The following FAM171A1 variants were observed in gnomAD, a reference collection of about 807,000 sequenced individuals.
FAM171A1 encodes family with sequence similarity 171 member A1, also known as protein FAM171A1.
FAM171A1 carries 23 observed loss-of-function variants against 74.9 expected under a neutral mutation model. The ratio of observed to expected loss-of-function variants is 0.31; its 90% CI spans 0.22 to 0.44. The LOEUF (loss-of-function observed/expected upper bound fraction) is 0.44. Among genes scored for constraint, FAM171A1 ranks in the 20% least tolerant of loss-of-function variants. FAM171A1 has a pLI of 1.00. For missense variants in FAM171A1, 1,162 were observed against 1,159.2 expected (o/e 1.00, Z -0.03); for synonymous variants, 527 against 505.7 (o/e 1.04, Z -0.57).
chr10:15,223,023 G>A (rs137882390), intron 5 of FAM171A1, among the ~76,000 whole-genome samples: 1,743 of 152,300 alleles, frequency 0.011, 21 homozygotes, highest in Middle Eastern at 0.02. Context: ...CAAGGGGAGC[G>A]ACAACGTAAG....
At chr10:15,371,823 T>G (rs1836153926), upstream of FAM171A1, among the ~76,000 whole-genome samples, 1 of 152,140 alleles carries the variant, frequency 6.6e-6, no homozygotes, top group Non-Finnish European at 1.5e-5. Flanking sequence ...CCATGACACG[T>G]GTGAAAGCAC....
chr10:15,312,673 G>GTTTTTTTTTTTTTTTTTTTT (rs1169098742), intron 1 of FAM171A1, among the ~76,000 whole-genome samples: 1 of 36,402 alleles, frequency 2.7e-5, no homozygotes, highest in African/African-American at 1.2e-4. Context: ...AGCACTGTGT[G>GTTTTTTTTTTTTTTTTTTTT]TTTTTTTTTT....
intron 2 of FAM171A1, among the ~76,000 whole-genome samples, chr10:15,278,851 T>C (rs1206824429): frequency 6.6e-5 from 10 of 152,116 alleles, no homozygotes; most frequent in Admixed American, 3.3e-4. Context: ...CTTGGGTAAA[T>C]CCCGCATGAC....
At chr10:15,291,996 T>A (rs936883707) in intron 1 of FAM171A1, among the ~76,000 whole-genome samples, 1 of 152,166 alleles carries the variant, frequency 6.6e-6, no homozygotes, top group Admixed American at 6.5e-5. Context: ...CAAAACCCCA[T>A]AAACTGGGAA....
chr10:15,217,185 G>A (rs903072480), intron 6 of FAM171A1, among the ~76,000 whole-genome samples: 3 of 152,202 alleles, frequency 2.0e-5, no homozygotes, highest in Admixed American at 6.5e-5. Context: ...TTTATGTTCC[G>A]TAGTAGTACA....
intron 5 of FAM171A1, among the ~76,000 whole-genome samples, chr10:15,240,618 C>G (rs569371361): frequency 1.3e-5 from 2 of 152,164 alleles, no homozygotes; most frequent in Admixed American, 6.5e-5. Context: ...TGATCCCACT[C>G]TCACGGGGTT....
At chr10:15,269,159 G>A (rs977740695) in intron 3 of FAM171A1, among the ~76,000 whole-genome samples, 23 of 152,226 alleles carry the variant, frequency 1.5e-4, no homozygotes, top group Middle Eastern at 3.4e-3. Flanking sequence ...TGTCCCTCAG[G>A]CTGGAGTGCA....
intron 1 of FAM171A1, among the ~76,000 whole-genome samples, chr10:15,350,815 G>A (rs1455570233): frequency 1.3e-5 from 2 of 152,004 alleles, no homozygotes; most frequent in African/African-American, 4.8e-5. Flanking sequence ...GCTGATTTTT[G>A]TATTTTTAAT....
intron 1 of FAM171A1, among the ~76,000 whole-genome samples, chr10:15,297,311 G>A (rs984970590): frequency 2.0e-5 from 3 of 152,010 alleles, no homozygotes; most frequent in Non-Finnish European, 2.9e-5. Flanking sequence ...CACCCACCTC[G>A]GATTCCCAAA....
upstream of FAM171A1, among the ~76,000 whole-genome samples, chr10:15,373,709 A>C (rs1485194413): frequency 6.6e-6 from 1 of 152,220 alleles, no homozygotes; most frequent in Non-Finnish European, 1.5e-5. Context: ...TTATGAGTCT[A>C]TAATTATTTC....
chr10:15,259,317 C>T (rs1834625557), intron 3 of FAM171A1, among the ~76,000 whole-genome samples: 1 of 152,154 alleles, frequency 6.6e-6, no homozygotes, highest in East Asian at 1.9e-4. Flanking sequence ...CCTATCTGGG[C>T]CATCTGCTTC....
intron 1 of FAM171A1, among the ~76,000 whole-genome samples, chr10:15,328,065 C>G (rs1835578564): frequency 7.0e-6 from 1 of 142,556 alleles, no homozygotes; most frequent in East Asian, 2.0e-4. Flanking sequence ...CCACCAGGTA[C>G]TTTTGCAGCC....
At chr10:15,216,299 T>C (rs1310810539) in intron 6 of FAM171A1, among the ~76,000 whole-genome samples, 189 bp from the exon 7 acceptor site, 1 of 152,202 alleles carries the variant, frequency 6.6e-6, no homozygotes, top group Non-Finnish European at 1.5e-5. Context: ...AGCATGACTA[T>C]TATGGAAGCT....
At position 15,212,813 on chromosome 10, in the gene FAM171A1, G is replaced by A. The variant is rs553638238; in HGVS notation, c.*102C>T. The A allele has an allele frequency of 2.7e-6, 4 of 1,469,028 alleles. No individual in the cohort carries two copies. Among genetic ancestry groups the A allele is most frequent in the East Asian group, 2.3e-5 (1 of 44,240 alleles). The allele number at this position is 1,469,028 out of a possible 1,614,324, so 91.0% of individuals were successfully genotyped here. A position where few individuals can be genotyped will look rare whatever the true frequency, so the allele number is the denominator to read the frequency against. On this transcript the variant is annotated 3_prime_UTR_variant, in exon 8 of 8. Coordinates refer to ENST00000378116, the MANE Select transcript of FAM171A1 (RefSeq NM_001010924.2). ...CAGTAAACGTCCACGTCCGTCCCAC[G>A]GCTGGGCTGCCGTTCCGTTTCCTCC...
In FAM171A1 at chr10:15,255,563, A is replaced by C. The variant is rs1294344378; in HGVS notation, c.419-684T>G. Among the ~76,000 whole-genome samples the C allele has an allele frequency of 3.9e-5, 6 of 152,294 alleles. No homozygotes were observed. In the South Asian group the frequency reaches 8.3e-4, roughly 21 times the overall value. ...ACCAAACTCAACTCCTTTGTGTAGGAGGACAGGTTGGGCTGACAGGCCCTA... is the reference window on the plus strand; with the variant it reads ...ACCAAACTCAACTCCTTTGTGTAGGCGGACAGGTTGGGCTGACAGGCCCTA... On this transcript the variant is annotated intron_variant, in intron 3 of 7. Transcript: ENST00000378116.
At chr10:15,266,885 A>G (rs111652142) in intron 3 of FAM171A1, among the ~76,000 whole-genome samples, 26 of 150,570 alleles carry the variant, frequency 1.7e-4, no homozygotes, top group East Asian at 5.8e-4. Context: ...AAAAAAAAAA[A>G]AGAGAGAGAG....
intron 3 of FAM171A1, among the ~76,000 whole-genome samples, chr10:15,261,361 G>A (rs1001929476): frequency 2.0e-5 from 3 of 152,284 alleles, no homozygotes; most frequent in African/African-American, 7.2e-5. Context: ...GGGGATAATG[G>A]TACTTTCTCT....
chr10:15,326,880 G>T (rs1446740672), intron 1 of FAM171A1, among the ~76,000 whole-genome samples: 1 of 152,158 alleles, frequency 6.6e-6, no homozygotes, highest in Non-Finnish European at 1.5e-5. Flanking sequence ...CACCCACCCT[G>T]GCTTCCTAAA....
At chr10:15,355,603 A>G (rs1328368314) in intron 1 of FAM171A1, among the ~76,000 whole-genome samples, 1 of 152,102 alleles carries the variant, frequency 6.6e-6, no homozygotes, top group East Asian at 1.9e-4. Flanking sequence ...CTGTAGTCCC[A>G]GCTACTTGAG....
Sources: gnomAD v4.1 joint callset for allele counts (sites outside exome capture counted in the v4.1 genomes callset) on GRCh38, gnomAD v4.1.1 for gene constraint, MANE v1.5 for transcripts, NCBI Gene and HGNC (gene_info 2026-07-23, HGNC 2026-07-21) for gene names.